The following TENM3 variants were observed in gnomAD, a reference collection of about 807,000 sequenced individuals.
TENM3 encodes the protein teneurin-3.
Under a neutral mutation model 255.1 loss-of-function variants are expected in TENM3, and 63 were observed. The ratio of observed to expected loss-of-function variants is 0.25; its 90% CI spans 0.20 to 0.30. The LOEUF (loss-of-function observed/expected upper bound fraction) is 0.30, where lower values mean the gene tolerates loss of function less well. Among genes scored for constraint, TENM3 ranks in the 10% least tolerant of loss-of-function variants. TENM3 has a pLI of 1.00. For missense variants in TENM3, 2,929 were observed against 3,461.1 expected, an observed-to-expected ratio of 0.85 and a Z score of 3.86; for synonymous variants, 1,306 against 1,322.3, an observed-to-expected ratio of 0.99 and a Z score of 0.27.
chr4:182,302,157 G>T (rs1486708417), intron 1 of TENM3, among the ~76,000 whole-genome samples: 1 of 152,090 alleles, frequency 6.6e-6, no homozygotes, highest in Non-Finnish European at 1.5e-5. Context: ...AAAGAAAAGG[G>T]AGCTTTCTTT....
At chr4:182,404,563 T>C (rs977246272) in intron 3 of TENM3, among the ~76,000 whole-genome samples, 1 of 152,186 alleles carries the variant, frequency 6.6e-6, no homozygotes, top group Admixed American at 6.5e-5. Context: ...CCGCCGACAG[T>C]ATTTCCGCTT....
chr4:182,760,347 G>C (rs1029069175), intron 22 of TENM3, among the ~76,000 whole-genome samples: 4 of 152,194 alleles, frequency 2.6e-5, no homozygotes, highest in African/African-American at 9.6e-5. Flanking sequence ...GCACAAAGAA[G>C]TGAAATCCAG....
the TENM3 span, among the ~76,000 whole-genome samples, chr4:181,823,951 C>A: frequency 6.6e-6 from 1 of 152,002 alleles, no homozygotes; most frequent in Non-Finnish European, 1.5e-5. Context: ...GAAGTGATGG[C>A]TTTTGTGTAC....
At chr4:181,855,351 C>G in the TENM3 span, among the ~76,000 whole-genome samples, 1 of 152,144 alleles carries the variant, frequency 6.6e-6, no homozygotes, top group African/African-American at 2.4e-5. Flanking sequence ...ATTACTAGCT[C>G]AAGTTTAAGA....
chr4:182,268,544 G>A (rs1184626850), intron 1 of TENM3, among the ~76,000 whole-genome samples: 1 of 152,140 alleles, frequency 6.6e-6, no homozygotes, highest in Non-Finnish European at 1.5e-5. Flanking sequence ...AACCTACTGG[G>A]CTGCATTCCC....
At chr4:181,708,558 TA>T in the TENM3 span, among the ~76,000 whole-genome samples, 1 of 132,682 alleles carries the variant, frequency 7.5e-6, no homozygotes, top group East Asian at 2.3e-4. Flanking sequence ...GTTCTGTCTT[TA>T]AAATAACTGA....
rs1258310815 is a variant in TENM3, at chr4:182,587,365, C to A, written c.512-13559C>A. Among the ~76,000 whole-genome samples, 6 of 152,210 alleles carry A rather than the reference C, an allele frequency of 3.9e-5. No homozygotes were observed. In the East Asian group the frequency reaches 1.2e-3, roughly 29 times the overall value. ...GGCGGATCACCTGAGGTCAGGAGTT[C>A]AAGACCAACATGGTGAAACCCCATC... On this transcript the variant is annotated intron_variant, in intron 3 of 27. Transcript: ENST00000511685.
the TENM3 span, among the ~76,000 whole-genome samples, chr4:181,818,837 G>A: frequency 3.9e-5 from 6 of 152,118 alleles, no homozygotes; most frequent in South Asian, 2.1e-4. Context: ...TCCTGACCTC[G>A]GGTGATCCAC....
intron 13 of TENM3, among the ~76,000 whole-genome samples, chr4:182,720,509 G>T (rs1377247622): frequency 1.3e-5 from 2 of 152,208 alleles, no homozygotes; most frequent in East Asian, 3.9e-4. Flanking sequence ...CTATTAATTT[G>T]AAAGACTCTA....
rs180730598 is a variant in TENM3 at position 182,438,852 on chromosome 4, G to T, written c.511+91923G>T. 4.2e-3 allele frequency among the ~76,000 whole-genome samples: 632 copies of T among 152,238 alleles called. 3 individuals carry two copies. The highest frequency in any genetic ancestry group is 0.014 in the African/African-American group (601 of 41,532). The stretch of plus-strand genomic sequence containing the variant: ...TAAAATTCATTTGAATGATCACATT[G>T]TACAAAGCTTTTGTTGAAAATCTTG... On this transcript the variant is annotated intron_variant, in intron 3 of 27. Transcript: ENST00000511685.
At chr4:181,627,049 C>T in the TENM3 span, among the ~76,000 whole-genome samples, 1 of 152,092 alleles carries the variant, frequency 6.6e-6, no homozygotes, top group Non-Finnish European at 1.5e-5. Context: ...GCAGGAGAAA[C>T]ATGGAGATCT....
intron 3 of TENM3, among the ~76,000 whole-genome samples, chr4:182,357,276 C>A (rs1243636125): frequency 6.6e-6 from 1 of 151,432 alleles, no homozygotes; most frequent in Non-Finnish European, 1.5e-5. Flanking sequence ...AGTTCTAGAT[C>A]CCTGAGGAAT....
chr4:181,767,068 AGG>A, the TENM3 span, among the ~76,000 whole-genome samples: 991 of 125,136 alleles, frequency 7.9e-3, 44 homozygotes, highest in Admixed American at 0.073. Context: ...CTGGCTAACA[AGG>A]GGAAATCCCG....
chr4:182,569,843 T>TC (rs1410071166), intron 3 of TENM3, among the ~76,000 whole-genome samples: 1 of 150,952 alleles, frequency 6.6e-6, no homozygotes, highest in African/African-American at 2.5e-5. Flanking sequence ...ACAATTGGAG[T>TC]CTAGGGCATT....
At chr4:181,881,179 T>TG in the TENM3 span, among the ~76,000 whole-genome samples, 2 of 152,174 alleles carry the variant, frequency 1.3e-5, no homozygotes, top group African/African-American at 4.8e-5. Context: ...ATTTATTCCC[T>TG]GCCCACCTGA....
the TENM3 span, among the ~76,000 whole-genome samples, chr4:181,596,426 A>T: frequency 2.3e-3 from 354 of 152,256 alleles, 2 homozygotes; most frequent in Non-Finnish European, 2.1e-3. Flanking sequence ...TGGCAACACT[A>T]GGTCTGCCTT....
At chr4:181,556,194 T>C in the TENM3 span, among the ~76,000 whole-genome samples, 1 of 152,204 alleles carries the variant, frequency 6.6e-6, no homozygotes. Flanking sequence ...TATTATTTTG[T>C]ATTTTCTTCC....
At chr4:181,958,104 A>C in the TENM3 span, among the ~76,000 whole-genome samples, 1 of 152,190 alleles carries the variant, frequency 6.6e-6, no homozygotes, top group East Asian at 1.9e-4. Flanking sequence ...AGCTGTTCAT[A>C]CTGTTAAAGA....
At chr4:181,804,613 T>G in the TENM3 span, among the ~76,000 whole-genome samples, 2 of 152,134 alleles carry the variant, frequency 1.3e-5, no homozygotes, top group African/African-American at 4.8e-5. Context: ...GAAAGGCAAT[T>G]CCAGGTGGTT....
Sources: allele counts gnomAD v4.1 joint callset (sites outside exome capture counted in the v4.1 genomes callset), GRCh38; gene constraint gnomAD v4.1.1; transcripts MANE v1.5; gene names NCBI Gene and HGNC (gene_info 2026-07-23, HGNC 2026-07-21).